Variants in STAM2 observed in about 807,000 individuals in gnomAD.
The protein encoded by STAM2 is signal transducing adapter molecule 2.
Under a neutral mutation model 65.6 loss-of-function variants are expected in STAM2, and 51 were observed. The observed-to-expected ratio is 0.78, with a 90% CI of 0.62 to 0.98. The LOEUF is 0.98. Ranked by LOEUF, STAM2 falls within the 50% of genes least tolerant of loss-of-function variation. The pLI, the probability that STAM2 is intolerant of heterozygous loss-of-function variation, is 0.00. For missense variants in STAM2, 584 were observed against 617.8 expected (o/e 0.95, Z 0.58); for synonymous variants, 198 against 208.4 (o/e 0.95, Z 0.43).
At chr2:152,140,405 A>G (rs948484572) in intron 7 of STAM2, among the ~76,000 whole-genome samples, 1 of 152,248 alleles carries the variant, frequency 6.6e-6, no homozygotes, top group African/African-American at 2.4e-5. Context: ...CTCAAAGTAC[A>G]TAAAAACTTG....
In STAM2 at chr2:152,144,872, G is replaced by A. The variant is rs1484836496; in HGVS notation, c.517+16C>T. The A allele has an allele frequency of 6.2e-7, 1 of 1,609,820 alleles. No individual in the cohort carries two copies. Among genetic ancestry groups the A allele is most frequent in the Non-Finnish European group, 8.5e-7 (1 of 1,176,190 alleles). On this transcript the variant is annotated intron_variant, in intron 6 of 13. Coordinates refer to ENST00000263904, the MANE Select transcript of STAM2 (RefSeq NM_005843.6). ...TATTTTAAGCAACACTAAATTACAT[G>A]TGCTTGATCATTTACCTTTAGCTAT...
intron 11 of STAM2, among the ~76,000 whole-genome samples, chr2:152,126,755 GA>G (rs1189066966): frequency 1.3e-5 from 2 of 152,076 alleles, no homozygotes; most frequent in African/African-American, 4.8e-5. Context: ...TTGGGTGTCC[GA>G]AAAAAATCAG....
intron 1 of STAM2, among the ~76,000 whole-genome samples, chr2:152,156,152 A>G (rs1165115429): frequency 6.6e-6 from 1 of 152,182 alleles, no homozygotes; most frequent in Non-Finnish European, 1.5e-5. Context: ...CCGCCCAACA[A>G]TTTTTAAAAT....
chr2:152,141,852 G>C (rs1021304142), intron 7 of STAM2, among the ~76,000 whole-genome samples: 8 of 152,070 alleles, frequency 5.3e-5, no homozygotes, highest in Non-Finnish European at 2.9e-5. Flanking sequence ...GCCTCCCAAA[G>C]TGCTGGGATT....
chr2:152,148,371 ATTC>A, intron 2 of STAM2, 71 bp from the exon 3 acceptor site: 1 of 1,236,060 alleles, frequency 8.1e-7, no homozygotes, highest in African/African-American at 1.5e-5. Context: ...TTAAGGTATT[ATTC>A]TATTACCAAA....
rs549753982 is a variant in STAM2, at chr2:152,158,901, A to G, written c.41-8672T>C. ...TCTCATGACGTAAACACTTCCCAAA[A>G]GTCCCCATCCCCCAATACTGTTGCA... On this transcript the variant is annotated intron_variant, in intron 1 of 13. Coordinates refer to ENST00000263904, the MANE Select transcript of STAM2 (RefSeq NM_005843.6). Among the ~76,000 whole-genome samples the G allele has an allele frequency of 3.3e-5, 5 of 151,772 alleles. 1 individual carries two copies. Among genetic ancestry groups the G allele is most frequent in the African/African-American group, 9.7e-5 (4 of 41,292 alleles).
At chr2:152,139,819 G>A (rs1305785402) in intron 7 of STAM2, among the ~76,000 whole-genome samples, 3 of 151,830 alleles carry the variant, frequency 2.0e-5, no homozygotes, top group Non-Finnish European at 2.9e-5. Flanking sequence ...ATTCATGAAA[G>A]ATAAACAAAA....
At chr2:152,144,626 C>T (rs907539459) in intron 6 of STAM2, 3 of 308,778 alleles carry the variant, frequency 9.7e-6, no homozygotes, top group South Asian at 4.8e-5. Context: ...GCAACCTCCG[C>T]CTCCTGGGTT....
chr2:152,128,661 C>T (rs921579163), intron 11 of STAM2, among the ~76,000 whole-genome samples: 1 of 152,052 alleles, frequency 6.6e-6, no homozygotes, highest in African/African-American at 2.4e-5. Flanking sequence ...AGAAAATTAC[C>T]TTTGGAGGAC....
chr2:152,167,471 G>T (rs977213357), intron 1 of STAM2, among the ~76,000 whole-genome samples: 8 of 152,182 alleles, frequency 5.3e-5, no homozygotes, highest in African/African-American at 1.9e-4. Flanking sequence ...TGAGGGAAAA[G>T]AATGTTTCAA....
In STAM2 at chr2:152,120,715, C is replaced by T. The variant is rs145382417; in HGVS notation, c.1437G>A (p.Gln479=). ...ACATATCCACAGACATCCCCATTTG[C>T]TGTGTGTAAGCAGTTGTACCAGTAG... ...QSATGTTAYT[Q]QMGMSVDMSS... The change falls in exon 14 of 14, where the codon CAG becomes CAA. Residue 479 remains glutamine, a synonymous_variant. Coordinates refer to ENST00000263904, the MANE Select transcript of STAM2 (RefSeq NM_005843.6). The T allele has an allele frequency of 3.6e-3, 5,766 of 1,614,132 alleles. 16 individuals carry two copies. Among genetic ancestry groups the T allele is most frequent in the Non-Finnish European group, 4.5e-3 (5,329 of 1,180,012 alleles).
At chr2:152,127,164 T>A (rs1688977728) in intron 11 of STAM2, among the ~76,000 whole-genome samples, 1 of 152,204 alleles carries the variant, frequency 6.6e-6, no homozygotes, top group Admixed American at 6.5e-5. Flanking sequence ...TCATTTTCAA[T>A]AAAACCCTGC....
At position 152,150,184 on chromosome 2, in the gene STAM2, A is replaced by G. The variant is rs775498281; in HGVS notation, c.86T>C (p.Ile29Thr). The change falls in exon 2 of 14, where the codon ATT becomes ACT. Residue 29 changes from isoleucine (I) to threonine (T), a missense_variant. By Grantham distance (89) the Ile-to-Thr change is moderately conservative. Coordinates refer to ENST00000263904, the MANE Select transcript of STAM2 (RefSeq NM_005843.6). ...TCCAACTTTGTCACATATGTCCATA[A>G]TAAGACTCCAATCTTCTGTAGTGTT... The part of the protein sequence containing the change: ...EYNTTEDWSL[I>T]MDICDKVGST... The G allele has an allele frequency of 1.2e-6, 2 of 1,613,694 alleles. No homozygotes were observed. The highest frequency in any genetic ancestry group is 1.7e-6 in the Non-Finnish European group (2 of 1,179,708).
chr2:152,169,097 A>T (rs1187038634), intron 1 of STAM2, among the ~76,000 whole-genome samples: 1 of 152,184 alleles, frequency 6.6e-6, no homozygotes, highest in Admixed American at 6.5e-5. Flanking sequence ...AAATTAAGGG[A>T]GAATGACAAA....
chr2:152,129,231 T>C (rs1689016046), intron 11 of STAM2, among the ~76,000 whole-genome samples: 1 of 152,188 alleles, frequency 6.6e-6, no homozygotes, highest in Non-Finnish European at 1.5e-5. Context: ...GCAGCCTCCT[T>C]GACCTCCCAG....
chr2:152,161,494 TAAAAAAAA>T (rs10714838), intron 1 of STAM2, among the ~76,000 whole-genome samples: 7 of 103,598 alleles, frequency 6.8e-5, no homozygotes, highest in South Asian at 3.5e-4. Context: ...GAATGATCAA[TAAAAAAAA>T]AAAAAAAAAA....
intron 1 of STAM2, among the ~76,000 whole-genome samples, chr2:152,150,899 TCTCA>T (rs774056603): frequency 3.9e-5 from 6 of 152,052 alleles, no homozygotes; most frequent in Non-Finnish European, 5.9e-5. Context: ...AGATAAGGGG[TCTCA>T]CTATGTTGCC....
In STAM2 at chr2:152,148,300, T is replaced by C; in HGVS notation, c.126A>G (p.Gly42=). The C allele has an allele frequency of 6.3e-7, 1 of 1,591,018 alleles. No individual in the cohort carries two copies. Among genetic ancestry groups the C allele is most frequent in the Non-Finnish European group, 8.5e-7 (1 of 1,170,476 alleles). Residue 42 remains glycine (G), a splice_region_variant and synonymous_variant, in exon 3 of 14, where the codon GGA becomes GGG. Transcript: ENST00000263904. ...TTATGGCTTTTAGGCAATCTTTCGC[T>C]CTAAAAAAAAAAAGAGAGAGAGAGA... The part of the protein sequence containing the change: ...ICDKVGSTPN[G]AKDCLKAIMK...
At chr2:152,165,500 A>T (rs1246088712) in intron 1 of STAM2, among the ~76,000 whole-genome samples, 1 of 152,130 alleles carries the variant, frequency 6.6e-6, no homozygotes, top group Non-Finnish European at 1.5e-5. Context: ...AAAAGCAAAC[A>T]GGCCAGGCAG....
Sources: gnomAD v4.1 joint callset for allele counts (sites outside exome capture counted in the v4.1 genomes callset) on GRCh38, gnomAD v4.1.1 for gene constraint, MANE v1.5 for transcripts, NCBI Gene and HGNC (gene_info 2026-07-23, HGNC 2026-07-21) for gene names.